The following GAN variants were observed in gnomAD, a reference collection of about 807,000 sequenced individuals.
The protein encoded by GAN is epididymis secretory sperm binding protein.
GAN carries 48 observed loss-of-function variants against 71.3 expected under a neutral mutation model. That is an observed-to-expected ratio of 0.67 (90% CI 0.53 to 0.86). The LOEUF (loss-of-function observed/expected upper bound fraction) is 0.86, where lower values mean the gene tolerates loss of function less well. Among genes scored for constraint, GAN ranks in the 40% least tolerant of loss-of-function variants. The pLI, the probability that GAN is intolerant of heterozygous loss-of-function variation, is 0.00. For synonymous variants in GAN, 386 were observed against 276.8 expected (o/e 1.39, Z -3.92); for missense variants, 928 against 770.1 (o/e 1.21, Z -2.43).
rs1306289512 is a variant in GAN, at chr16:81,390,530, T to C, written c.*12934T>C. ...TTCTCACGAACCCAGGACCTGTGCT[T>C]GGGGAACATTTTGCCATCATGCTGT... On this transcript the variant is annotated 3_prime_UTR_variant, in exon 11 of 11. Coordinates refer to ENST00000648994, the MANE Select transcript of GAN (RefSeq NM_022041.4). 1 of 152,222 alleles carries C rather than the reference T, an allele frequency of 6.6e-6. No homozygotes were observed. The highest frequency in any genetic ancestry group is 1.5e-5 in the Non-Finnish European group (1 of 68,032). The allele number at this position is 152,222 out of a possible 1,614,324, so 9.4% of individuals were successfully genotyped here. A position where few individuals can be genotyped will look rare whatever the true frequency, so the allele number is the denominator to read the frequency against.
chr16:81,376,991 A>G (rs1247541192), intron 9 of GAN, among the ~76,000 whole-genome samples: 2 of 152,276 alleles, frequency 1.3e-5, no homozygotes, highest in East Asian at 1.9e-4. Context: ...CAGGTTGGAA[A>G]GCACATGCTG....
At chr16:81,357,475 A>T (rs570183490) in intron 4 of GAN, among the ~76,000 whole-genome samples, 1 of 152,176 alleles carries the variant, frequency 6.6e-6, no homozygotes, top group South Asian at 2.1e-4. Context: ...CATGGTGTAT[A>T]TGTGCTACAT....
At chr16:81,336,342 C>A (rs1283755688) in intron 1 of GAN, among the ~76,000 whole-genome samples, 1 of 152,166 alleles carries the variant, frequency 6.6e-6, no homozygotes, top group Non-Finnish European at 1.5e-5. Flanking sequence ...TTTCCACCCA[C>A]AAAAGTGGGC....
chr16:81,356,933 C>T lies in GAN; in HGVS notation c.782C>T (p.Ala261Val), dbSNP rs574374537. 4.9e-5 allele frequency: 79 copies of T among 1,613,466 alleles called. No individual in the cohort carries two copies. The highest frequency in any genetic ancestry group is 6.6e-5 in the South Asian group (6 of 91,066). Residue 261 changes from alanine to valine, a missense_variant, in exon 4 of 11, where the codon GCG (alanine) becomes GTG (valine). Ala to Val is a moderately conservative substitution (Grantham distance 64). Coordinates refer to ENST00000648994, the MANE Select transcript of GAN (RefSeq NM_022041.4). ...CTCAGCCAGCCGCAGCAAGGGGAGGCGATGCTGGCCAACTTCAAACCCCGG... is the reference window on the plus strand; with the variant it reads ...CTCAGCCAGCCGCAGCAAGGGGAGGTGATGCTGGCCAACTTCAAACCCCGG... ...IPLSQPQQGEAMLANFKPRGY... is the reference protein window; with the variant it reads ...IPLSQPQQGEVMLANFKPRGY...
chr16:81,375,039 G>C (rs996029768), intron 9 of GAN, among the ~76,000 whole-genome samples: 1 of 152,106 alleles, frequency 6.6e-6, no homozygotes, highest in African/African-American at 2.4e-5. Flanking sequence ...AAAAATCTTC[G>C]TATTGGGGTA....
In GAN at chr16:81,378,000, C is replaced by A; in HGVS notation, c.*404C>A. 3.6e-6 allele frequency: 1 copy of A among 274,556 alleles called. No individual in the cohort carries two copies. The highest frequency in any genetic ancestry group is 7.1e-6 in the Non-Finnish European group (1 of 140,444). 17.0% of individuals were successfully genotyped at this position (274,556 alleles called of 1,614,324 possible). On this transcript the variant is annotated 3_prime_UTR_variant, in exon 11 of 11. Transcript: ENST00000648994. Reference sequence around the variant, plus strand: ...TGGTAACAAACAAAATCCGTATATGCAAATCAACATATCCAAACATGCCAA... The same window carrying A: ...TGGTAACAAACAAAATCCGTATATGAAAATCAACATATCCAAACATGCCAA...
chr16:81,375,317 CTT>C (rs370495519), intron 9 of GAN, among the ~76,000 whole-genome samples: 2 of 125,230 alleles, frequency 1.6e-5, no homozygotes. Flanking sequence ...TTGCTACGTC[CTT>C]TTTTTTTTTT....
intron 1 of GAN, among the ~76,000 whole-genome samples, chr16:81,329,787 C>G (rs1390044576): frequency 6.6e-6 from 1 of 152,160 alleles, no homozygotes; most frequent in Non-Finnish European, 1.5e-5. Flanking sequence ...ACATAAGATT[C>G]CATTCTCACC....
chr16:81,373,128 C>G (rs988954232), intron 9 of GAN, among the ~76,000 whole-genome samples: 1 of 152,150 alleles, frequency 6.6e-6, no homozygotes. Flanking sequence ...GAAGAGTATT[C>G]ATTGAAATAA....
intron 1 of GAN, among the ~76,000 whole-genome samples, chr16:81,331,356 G>A (rs1597391695): frequency 6.6e-6 from 1 of 152,220 alleles, no homozygotes; most frequent in South Asian, 2.1e-4. Flanking sequence ...GACTAGATTG[G>A]ATCCTAGAAC....
intron 2 of GAN, among the ~76,000 whole-genome samples, chr16:81,352,726 C>G (rs113595380): frequency 7.9e-4 from 120 of 152,306 alleles, no homozygotes; most frequent in Non-Finnish European, 1.1e-3. Context: ...TTTCTCTCTT[C>G]TCTCAGCACT....
At chr16:81,345,023 G>C (rs991127886) in intron 1 of GAN, among the ~76,000 whole-genome samples, 4 of 152,186 alleles carry the variant, frequency 2.6e-5, no homozygotes, top group Non-Finnish European at 5.9e-5. Context: ...CTGGCCATTA[G>C]AGAAATGCAA....
rs1027527272 is a variant in GAN, at chr16:81,384,038, C to G, written c.*6442C>G. ...AATTTTTTCAAGTTATACCAGTCAA[C>G]TTGGTTTAAATACAACTGTACTAAC... On this transcript the variant is annotated 3_prime_UTR_variant, in exon 11 of 11. Coordinates refer to ENST00000648994, the MANE Select transcript of GAN (RefSeq NM_022041.4). 1 of 152,034 alleles carries G rather than the reference C, an allele frequency of 6.6e-6. No individual in the cohort carries two copies. Among genetic ancestry groups the G allele is most frequent in the Non-Finnish European group, 1.5e-5 (1 of 68,006 alleles). 9.4% of individuals were successfully genotyped at this position (152,034 alleles called of 1,614,324 possible).
intron 1 of GAN, among the ~76,000 whole-genome samples, chr16:81,346,378 T>C (rs901147524): frequency 6.6e-6 from 1 of 151,970 alleles, no homozygotes; most frequent in Non-Finnish European, 1.5e-5. Flanking sequence ...ATCTGTCTTC[T>C]AAGGCCTTAG....
chr16:81,335,776 A>C (rs1258417037), intron 1 of GAN, among the ~76,000 whole-genome samples: 1 of 151,998 alleles, frequency 6.6e-6, no homozygotes, highest in Non-Finnish European at 1.5e-5. Flanking sequence ...ATCCATTCAA[A>C]TGATGAGTCA....
chr16:81,371,354 C>T (rs1261139537), intron 9 of GAN, among the ~76,000 whole-genome samples: 1 of 152,158 alleles, frequency 6.6e-6, no homozygotes, highest in Non-Finnish European at 1.5e-5. Flanking sequence ...TCTAATTTTT[C>T]TGGCTCTTCT....
At chr16:81,372,566 T>C (rs755949559) in intron 9 of GAN, among the ~76,000 whole-genome samples, 1 of 152,238 alleles carries the variant, frequency 6.6e-6, no homozygotes, top group Non-Finnish European at 1.5e-5. Flanking sequence ...GCCTTGTCTT[T>C]ACCTAAAATA....
At chr16:81,351,031 C>T (rs1180392341) in intron 1 of GAN, among the ~76,000 whole-genome samples, 1 of 152,046 alleles carries the variant, frequency 6.6e-6, no homozygotes, top group Non-Finnish European at 1.5e-5. Context: ...AAATGGATGA[C>T]TAATTATAAA....
intron 9 of GAN, among the ~76,000 whole-genome samples, chr16:81,365,750 G>A (rs1910835705): frequency 1.3e-5 from 2 of 151,752 alleles, no homozygotes; most frequent in South Asian, 4.2e-4. Flanking sequence ...TTAGGAAAAA[G>A]TTTAAAACTC....
Sources: gnomAD v4.1 joint callset for allele counts (sites outside exome capture counted in the v4.1 genomes callset) on GRCh38, gnomAD v4.1.1 for gene constraint, MANE v1.5 for transcripts, NCBI Gene and HGNC (gene_info 2026-07-23, HGNC 2026-07-21) for gene names.